Variants in PSPH observed in about 807,000 individuals in gnomAD.
PSPH encodes phosphoserine phosphatase.
Under a neutral mutation model 23.4 loss-of-function variants are expected in PSPH, and 16 were observed. The observed-to-expected ratio is 0.68, with a 90% CI of 0.46 to 1.04. PSPH has a LOEUF of 1.04. PSPH is among the 50% of genes least tolerant of loss of function. The probability of loss-of-function intolerance (pLI) is 0.00; values close to 1 mark genes in which losing one functional copy is unlikely to be tolerated. For synonymous variants in PSPH, 68 were observed against 99.7 expected, an observed-to-expected ratio of 0.68 and a Z score of 1.89; for missense variants, 223 against 273.7, an observed-to-expected ratio of 0.81 and a Z score of 1.31.
chr7:56,030,676 C>A (rs1267200314), intron 3 of PSPH, among the ~76,000 whole-genome samples: 1 of 148,484 alleles, frequency 6.7e-6, no homozygotes, highest in Non-Finnish European at 1.5e-5. Context: ...AGGCGGGCAA[C>A]TCACTTGAGA....
At chr7:56,041,583 C>T (rs1002042607) in intron 1 of PSPH, among the ~76,000 whole-genome samples, 15 of 151,800 alleles carry the variant, frequency 9.9e-5, no homozygotes, top group Admixed American at 2.0e-4. Context: ...CTAATGTGAC[C>T]GGTGTCCTTG....
chr7:56,034,633 A>G (rs977166320), intron 1 of PSPH, among the ~76,000 whole-genome samples: 1 of 152,024 alleles, frequency 6.6e-6, no homozygotes, highest in African/African-American at 2.4e-5. Flanking sequence ...CTCCTGCCTC[A>G]GCCACCCAAG....
intron 1 of PSPH, among the ~76,000 whole-genome samples, chr7:56,043,777 G>A (rs916856609): frequency 6.6e-6 from 1 of 151,804 alleles, no homozygotes; most frequent in African/African-American, 2.4e-5. Flanking sequence ...GCAGTGAGCT[G>A]TGATCATGCC....
At chr7:56,029,764 G>C (rs1790686862) in intron 3 of PSPH, among the ~76,000 whole-genome samples, 1 of 152,114 alleles carries the variant, frequency 6.6e-6, no homozygotes, top group Non-Finnish European at 1.5e-5. Flanking sequence ...ACAGAGTTGT[G>C]AAGGTCATGC....
chr7:56,016,205 C>T (rs547211653), intron 6 of PSPH, among the ~76,000 whole-genome samples: 21 of 151,076 alleles, frequency 1.4e-4, no homozygotes, highest in Admixed American at 3.3e-4. Context: ...TTGAGACCAG[C>T]GTGACCAACA....
chr7:56,031,644 C>G (rs1382091456), intron 3 of PSPH, among the ~76,000 whole-genome samples: 1 of 152,110 alleles, frequency 6.6e-6, no homozygotes, highest in Non-Finnish European at 1.5e-5. Flanking sequence ...AAAACCCTGT[C>G]TCTACTAAAC....
In PSPH at chr7:56,027,561, C is replaced by T. The variant is rs532414255; in HGVS notation, c.-20+4368G>A. On this transcript the variant is annotated intron_variant, in intron 3 of 7. Transcript: ENST00000275605. ...CAAAAGTACAAAAATTAGTCAGGTG[C>T]CTGTAATCCCAGCTACTCAGGATGC... Among the ~76,000 whole-genome samples the T allele has an allele frequency of 2.6e-5, 4 of 151,622 alleles. No homozygotes were observed. In the South Asian group the frequency reaches 8.3e-4, roughly 32 times the overall value.
At chr7:56,044,087 G>A (rs944681047) in intron 1 of PSPH, among the ~76,000 whole-genome samples, 2 of 152,004 alleles carry the variant, frequency 1.3e-5, no homozygotes, top group African/African-American at 4.8e-5. Context: ...CTCCCGTGTA[G>A]CTGGGAATAC....
intron 1 of PSPH, among the ~76,000 whole-genome samples, chr7:56,039,364 T>C (rs761665732): frequency 6.6e-6 from 1 of 152,162 alleles, no homozygotes; most frequent in Non-Finnish European, 1.5e-5. Context: ...ATGTAGTTAA[T>C]CAATGATATT....
chr7:56,035,032 C>T lies in PSPH; in HGVS notation c.-291-926G>A, dbSNP rs145098617. Among the ~76,000 whole-genome samples the T allele has an allele frequency of 3.4e-4, 51 of 152,122 alleles. 2 individuals carry two copies. The highest frequency in any genetic ancestry group is 1.1e-3 in the African/African-American group (46 of 41,536). ...GATTACAGATGTGAGATACCGCGCC[C>T]GGCCTATTTCTTTTTAAAAATTTTC... On this transcript the variant is annotated intron_variant, in intron 1 of 7. Coordinates refer to ENST00000275605, the MANE Select transcript of PSPH (RefSeq NM_004577.4).
chr7:56,037,113 G>A (rs1274246665), intron 1 of PSPH, among the ~76,000 whole-genome samples: 1 of 149,912 alleles, frequency 6.7e-6, no homozygotes, highest in Admixed American at 6.7e-5. Flanking sequence ...GGCAGAGGTT[G>A]CAGTGAACCG....
At chr7:56,032,845 G>A (rs75938227) in intron 2 of PSPH, among the ~76,000 whole-genome samples, 2,344 of 152,078 alleles carry the variant, frequency 0.015, 29 homozygotes, top group Non-Finnish European at 0.023. Flanking sequence ...CCAGCTACTT[G>A]GGAGGCTGAG....
intron 1 of PSPH, among the ~76,000 whole-genome samples, chr7:56,045,009 T>G (rs557550939): frequency 6.7e-6 from 1 of 150,300 alleles, no homozygotes; most frequent in South Asian, 2.1e-4. Context: ...GAGGTGGAGA[T>G]TGCAGTGAGC....
chr7:56,020,986 C>A, intron 4 of PSPH, 87 bp downstream of exon 4: 1 of 1,492,594 alleles, frequency 6.7e-7, no homozygotes, highest in Non-Finnish European at 9.2e-7. Flanking sequence ...GCAAATGTTC[C>A]ATAGCCAGGG....
intron 1 of PSPH, among the ~76,000 whole-genome samples, chr7:56,049,925 G>A (rs547866577): frequency 1.3e-5 from 2 of 150,082 alleles, no homozygotes; most frequent in African/African-American, 4.9e-5. Flanking sequence ...TTACAGAGAC[G>A]GGGTTTCACC....
intron 6 of PSPH, among the ~76,000 whole-genome samples, chr7:56,015,548 T>C (rs1367104910): frequency 6.6e-6 from 1 of 152,070 alleles, no homozygotes; most frequent in African/African-American, 2.4e-5. Flanking sequence ...GATGGCTCTA[T>C]TAGGTCATAA....
At position 56,011,523 on chromosome 7, in the gene PSPH, T is replaced by C; in HGVS notation, c.*239A>G. On this transcript the variant is annotated 3_prime_UTR_variant, in exon 8 of 8. Coordinates refer to ENST00000275605, the MANE Select transcript of PSPH (RefSeq NM_004577.4). ...CAGCCTGGGCAACAGAGCAAGATTC[T>C]GTCTCAAAAAAAAAAAAAACCTCTC... 5.8e-6 allele frequency: 2 copies of C among 347,048 alleles called. No individual in the cohort carries two copies. The highest frequency in any genetic ancestry group is 4.9e-5 in the Admixed American group (1 of 20,430). The allele number at this position is 347,048 out of a possible 1,614,324, so 21.5% of individuals were successfully genotyped here.
Position 56,011,841 on chromosome 7 carries a change from A to G in PSPH, c.599T>C (p.Val200Ala). 1.1e-5 allele frequency: 18 copies of G among 1,612,572 alleles called. No individual in the cohort carries two copies. The highest frequency in any genetic ancestry group is 2.2e-5 in the South Asian group (2 of 91,020). Residue 200 changes from valine to alanine, a missense_variant, in exon 8 of 8, where the codon GTG (valine) becomes GCG (alanine). Val to Ala is a moderately conservative substitution (Grantham distance 64). Transcript: ENST00000275605. ...ADAFIGFGGN[V>A]IRQQVKDNAK... ...GTTATCCTTGACTTGTTGCCTGATC[A>G]CATTTCCTCCAAATCCAATGAAAGC...
chr7:56,044,703 G>A (rs1792996880), intron 1 of PSPH, among the ~76,000 whole-genome samples: 1 of 151,698 alleles, frequency 6.6e-6, no homozygotes, highest in Non-Finnish European at 1.5e-5. Flanking sequence ...GGGAGGCTGA[G>A]GTGGGAGGAT....
Sources: allele counts gnomAD v4.1 joint callset (sites outside exome capture counted in the v4.1 genomes callset), GRCh38; gene constraint gnomAD v4.1.1; transcripts MANE v1.5; gene names NCBI Gene and HGNC (gene_info 2026-07-23, HGNC 2026-07-21).